Variants in C4orf51 observed in about 807,000 individuals in gnomAD.
C4orf51 encodes chromosome 4 open reading frame 51.
Under a neutral mutation model 25.2 loss-of-function variants are expected in C4orf51, and 25 were observed. That is an observed-to-expected ratio of 0.99 (90% CI 0.72 to 1.39). The LOEUF is 1.39. C4orf51 is among the 40% of genes most tolerant of loss of function. The pLI is 0.00. For missense variants in C4orf51, 252 were observed against 239.6 expected (o/e 1.05, Z -0.34); for synonymous variants, 100 against 84.5 (o/e 1.18, Z -1.01).
At position 145,732,255 on chromosome 4, in the gene C4orf51, T is replaced by G. The variant is rs1431208336; in HGVS notation, c.502-198T>G. ...GTTCCTGCCCTTTTTCTCTCCCACTTTATTAATCTGGCCTTCCTAACAGAG... is the reference window on the plus strand; with the variant it reads ...GTTCCTGCCCTTTTTCTCTCCCACTGTATTAATCTGGCCTTCCTAACAGAG... On this transcript the variant is annotated intron_variant, in intron 5 of 5. Coordinates refer to ENST00000438731, the MANE Select transcript of C4orf51 (RefSeq NM_001080531.3). Among the ~76,000 whole-genome samples, 3 of 152,200 alleles carry G rather than the reference T, an allele frequency of 2.0e-5. No homozygotes were observed. In the East Asian group the frequency reaches 5.8e-4, roughly 29 times the overall value.
At chr4:145,790,805 A>G in the C4orf51 span, among the ~76,000 whole-genome samples, 1 of 152,158 alleles carries the variant, frequency 6.6e-6, no homozygotes. Context: ...CTCTGCTCCT[A>G]ACCTATTGAA....
At chr4:145,723,332 C>T (rs1406715744) in intron 2 of C4orf51, among the ~76,000 whole-genome samples, 1 of 152,186 alleles carries the variant, frequency 6.6e-6, no homozygotes, top group East Asian at 1.9e-4. Flanking sequence ...GGTTTGTCTT[C>T]ACCTTCCAAC....
chr4:145,783,765 A>G, the C4orf51 span, among the ~76,000 whole-genome samples: 1 of 152,218 alleles, frequency 6.6e-6, no homozygotes, highest in East Asian at 1.9e-4. Context: ...TTGTGAATAT[A>G]AGGCATGAAG....
At chr4:145,719,848 A>T (rs1298361530) in intron 2 of C4orf51, among the ~76,000 whole-genome samples, 1 of 152,130 alleles carries the variant, frequency 6.6e-6, no homozygotes, top group Non-Finnish European at 1.5e-5. Context: ...GAATATAAAT[A>T]AGGGATGGCA....
chr4:145,693,029 T>A (rs1729713628), intron 1 of C4orf51, among the ~76,000 whole-genome samples: 1 of 150,048 alleles, frequency 6.7e-6, no homozygotes, highest in African/African-American at 2.4e-5. Context: ...TTTTTTTTTT[T>A]TTTTTATTAA....
At chr4:145,721,972 G>T (rs12504392) in intron 2 of C4orf51, among the ~76,000 whole-genome samples, 1 of 152,102 alleles carries the variant, frequency 6.6e-6, no homozygotes, top group East Asian at 1.9e-4. Flanking sequence ...GATGCTCCTT[G>T]GTGATTTTCC....
chr4:145,761,633 G>A lies in C4orf51; in HGVS notation n.167-9355G>A, dbSNP rs1290789665. 11 of 1,198,738 alleles carry A rather than the reference G, an allele frequency of 9.2e-6. No individual in the cohort carries two copies. The highest frequency in any genetic ancestry group is 1.4e-5 in the South Asian group (1 of 70,400). The allele number at this position is 1,198,738 out of a possible 1,614,324, so 74.3% of individuals were successfully genotyped here. On this transcript the variant is annotated intron_variant and non_coding_transcript_variant, in intron 1 of 1. Transcript: ENST00000510096. The surrounding 1 kb of genome is among the most constrained non-coding windows in gnomAD (Gnocchi z 6.8). ...AAAGCAACGCAAGGGAGGTTCAGCC[G>A]GGAAGGTTCGGAGGCAGCCGCGCTT...
rs1303802880 is a variant in C4orf51 at position 145,762,434 on chromosome 4, TCA to T, written n.167-8553_167-8552del. ...AATAATCCAACTGGATTGGAAATTC[TCA>T]GAGGGCAGGACCATATCTTACATTT... On this transcript the variant is annotated intron_variant and non_coding_transcript_variant, in intron 1 of 1. Transcript: ENST00000510096. This position sits in a 1 kb window ranked among gnomAD's most constrained non-coding sequence, Gnocchi z 4.9. 6.6e-6 allele frequency among the ~76,000 whole-genome samples: 1 copy of T among 152,226 alleles called. No individual in the cohort carries two copies. Among genetic ancestry groups the T allele is most frequent in the Non-Finnish European group, 1.5e-5 (1 of 68,042 alleles).
At chr4:145,755,700 T>C (rs1220839511), downstream of C4orf51, among the ~76,000 whole-genome samples, 1 of 152,220 alleles carries the variant, frequency 6.6e-6, no homozygotes, top group Non-Finnish European at 1.5e-5. Context: ...TCACTTACCC[T>C]GGGGCCTGTT....
intron 1 of C4orf51, chr4:145,764,969 C>T (rs767371263): frequency 1.2e-6 from 2 of 1,610,594 alleles, no homozygotes; most frequent in East Asian, 2.2e-5. Context: ...GTAAAAGGTT[C>T]TGTACTTGCT....
chr4:145,721,670 C>A (rs1370905547), intron 2 of C4orf51, among the ~76,000 whole-genome samples: 1 of 152,190 alleles, frequency 6.6e-6, no homozygotes, highest in Non-Finnish European at 1.5e-5. Flanking sequence ...CACAAGGGAA[C>A]ATTGGCAGCC....
Position 145,761,969 on chromosome 4 carries a change from G to A in C4orf51, n.167-9019G>A, listed in dbSNP as rs759155090. Among the ~76,000 whole-genome samples, 18 of 151,688 alleles carry A rather than the reference G, an allele frequency of 1.2e-4. No homozygotes were observed. Among genetic ancestry groups the A allele is most frequent in the Non-Finnish European group, 1.9e-4 (13 of 67,948 alleles). ...CCCTCCCCACTCCCGACCAGACAGC[G>A]CAGAGGTCTAAACCTCCTGACCTCC... On this transcript the variant is annotated intron_variant and non_coding_transcript_variant, in intron 1 of 1. Transcript: ENST00000510096. This position sits in a 1 kb window ranked among gnomAD's most constrained non-coding sequence, Gnocchi z 6.8.
chr4:145,717,065 C>T (rs907351422), intron 2 of C4orf51, among the ~76,000 whole-genome samples: 2 of 152,110 alleles, frequency 1.3e-5, no homozygotes, highest in African/African-American at 4.8e-5. Context: ...CTGAGTAGCA[C>T]AAAGTACAAT....
downstream of C4orf51, among the ~76,000 whole-genome samples, chr4:145,775,433 T>C (rs570457316): frequency 6.6e-6 from 1 of 152,308 alleles, no homozygotes; most frequent in South Asian, 2.1e-4. Context: ...TCAGCTTTTT[T>C]TTTTTTAAAC....
chr4:145,776,730 G>A, the C4orf51 span, among the ~76,000 whole-genome samples: 27 of 152,110 alleles, frequency 1.8e-4, no homozygotes, highest in Non-Finnish European at 1.6e-4. Context: ...TTTTCCCTAA[G>A]CTCCTGGCCT....
At chr4:145,691,328 T>A (rs1729547229) in intron 1 of C4orf51, among the ~76,000 whole-genome samples, 1 of 152,076 alleles carries the variant, frequency 6.6e-6, no homozygotes, top group South Asian at 2.1e-4. Context: ...AAAGGGAACA[T>A]TTATACACTG....
chr4:145,715,435 C>T (rs1044148611), intron 2 of C4orf51, among the ~76,000 whole-genome samples: 2 of 152,188 alleles, frequency 1.3e-5, no homozygotes, highest in African/African-American at 4.8e-5. Flanking sequence ...TATTCTCTCA[C>T]TTCTTCCCGT....
intron 4 of C4orf51, 125 bp downstream of exon 4, chr4:145,729,354 T>C: frequency 1.7e-6 from 1 of 582,698 alleles, no homozygotes; most frequent in Non-Finnish European, 2.9e-6. Flanking sequence ...CAGGCTGACG[T>C]GCAGTGGCGC....
chr4:145,698,972 G>A (rs1025007817), intron 2 of C4orf51, among the ~76,000 whole-genome samples: 1 of 151,916 alleles, frequency 6.6e-6, no homozygotes, highest in Non-Finnish European at 1.5e-5. Flanking sequence ...AAAAAGAAGT[G>A]TAAATGGCCG....
Sources: allele counts gnomAD v4.1 joint callset (sites outside exome capture counted in the v4.1 genomes callset), GRCh38; gene constraint gnomAD v4.1.1; non-coding constraint Gnocchi (gnomAD v3.1); transcripts MANE v1.5; gene names NCBI Gene and HGNC (gene_info 2026-07-23, HGNC 2026-07-21).